INPP5A: variants seen among roughly 807,000 people sequenced by gnomAD.
INPP5A encodes the protein 43 kDa inositol polyphosphate 5-phophatase.
A neutral mutation model predicts 65.2 loss-of-function variants in INPP5A; 14 were observed. The observed-to-expected ratio is 0.21, with a 90% CI of 0.14 to 0.34. The LOEUF is 0.34. Ranked by LOEUF, INPP5A falls within the 10% of genes least tolerant of loss-of-function variation. The pLI, the probability that INPP5A is intolerant of heterozygous loss-of-function variation, is 1.00. For synonymous variants in INPP5A, 207 were observed against 208.3 expected, an observed-to-expected ratio of 0.99 and a Z score of 0.05; for missense variants, 431 against 545.6, an observed-to-expected ratio of 0.79 and a Z score of 2.09.
chr10:132,771,843 T>G lies in INPP5A; in HGVS notation c.978-5828T>G, dbSNP rs531326804. Among the ~76,000 whole-genome samples the G allele has an allele frequency of 2.7e-4, 32 of 116,680 alleles. 6 individuals are homozygous for G. The South Asian group carries it at 8.7e-3, about 32-fold the overall frequency. 76.5% of individuals were successfully genotyped at this position (116,680 alleles called of 152,430 possible). On this transcript the variant is annotated intron_variant, in intron 12 of 15. Transcript: ENST00000368594. Reference sequence around the variant, plus strand: ...CCGTGAAGAGTGGGGCACTCAGCACTGACACGGAGGCCACAGCAGCCACCC... The same window carrying G: ...CCGTGAAGAGTGGGGCACTCAGCACGGACACGGAGGCCACAGCAGCCACCC...
rs1342034526 is a variant in INPP5A at position 132,745,773 on chromosome 10, C to T, written c.733-3744C>T. ...GTGGTGGCCTTGGGTATGGTGGGCC[C>T]GGGCATGGTGGGCTTCTGGCGTGGT... On this transcript the variant is annotated intron_variant, in intron 9 of 15. Transcript: ENST00000368594. Among the ~76,000 whole-genome samples the T allele has an allele frequency of 3.5e-5, 5 of 144,366 alleles. No individual in the cohort carries two copies. In the East Asian group the frequency reaches 6.1e-4, roughly 18 times the overall value. 94.7% of individuals were successfully genotyped at this position (144,366 alleles called of 152,430 possible). A position where few individuals can be genotyped will look rare whatever the true frequency, so the allele number is the denominator to read the frequency against.
In INPP5A at chr10:132,651,980, C is replaced by T. The variant is rs370823282; in HGVS notation, c.306+1475C>T. ...CCACTCACACCAGAGCCAAGGCCCTCACCCCTGTGCTCAGGATGTAGCTCC... is the reference window on the plus strand; with the variant it reads ...CCACTCACACCAGAGCCAAGGCCCTTACCCCTGTGCTCAGGATGTAGCTCC... On this transcript the variant is annotated intron_variant, in intron 4 of 15. Coordinates refer to ENST00000368594, the MANE Select transcript of INPP5A (RefSeq NM_005539.5). The surrounding 1 kb of genome is among the most constrained non-coding windows in gnomAD (Gnocchi z 5.0). 4.0e-5 allele frequency among the ~76,000 whole-genome samples: 6 copies of T among 151,860 alleles called. No individual in the cohort carries two copies. Among genetic ancestry groups the T allele is most frequent in the Non-Finnish European group, 7.4e-5 (5 of 68,022 alleles).
intron 1 of INPP5A, among the ~76,000 whole-genome samples, chr10:132,597,317 C>T (rs1006381884): frequency 1.3e-5 from 2 of 152,210 alleles, no homozygotes; most frequent in Non-Finnish European, 2.9e-5. Context: ...GAAGATGTGT[C>T]AGGGTGTCTG....
intron 8 of INPP5A, among the ~76,000 whole-genome samples, chr10:132,714,811 C>T (rs534226205): frequency 1.3e-5 from 2 of 152,136 alleles, no homozygotes; most frequent in South Asian, 4.2e-4. Flanking sequence ...CCACCACAGC[C>T]AGTCACAGGG....
At chr10:132,738,060 T>C (rs1846208656) in intron 9 of INPP5A, among the ~76,000 whole-genome samples, 1 of 152,250 alleles carries the variant, frequency 6.6e-6, no homozygotes, top group South Asian at 2.1e-4. Flanking sequence ...ATGCTGGGAC[T>C]CTGTTCGAGG....
At position 132,538,577 on chromosome 10, in the gene INPP5A, G is replaced by A. The variant is rs1359083763; in HGVS notation, c.75+406G>A. 2.0e-5 allele frequency among the ~76,000 whole-genome samples: 3 copies of A among 152,068 alleles called. No homozygotes were observed. Among genetic ancestry groups the A allele is most frequent in the Non-Finnish European group, 2.9e-5 (2 of 68,012 alleles). ...ACCGGGTCTGTGCGCACCAAACCCAGCCCCAGCCCTGATTTCCGAATCCTC... is the reference window on the plus strand; with the variant it reads ...ACCGGGTCTGTGCGCACCAAACCCAACCCCAGCCCTGATTTCCGAATCCTC... On this transcript the variant is annotated intron_variant, in intron 1 of 15. Coordinates refer to ENST00000368594, the MANE Select transcript of INPP5A (RefSeq NM_005539.5). The surrounding 1 kb of genome is among the most constrained non-coding windows in gnomAD (Gnocchi z 4.1).
At chr10:132,688,691 G>A (rs372552320) in intron 4 of INPP5A, among the ~76,000 whole-genome samples, 2 of 151,722 alleles carry the variant, frequency 1.3e-5, no homozygotes, top group African/African-American at 4.9e-5. Flanking sequence ...GTGCATGAGT[G>A]CATGTGTGTG....
chr10:132,757,071 G>A (rs1483394134), intron 11 of INPP5A, among the ~76,000 whole-genome samples: 1 of 152,190 alleles, frequency 6.6e-6, no homozygotes, highest in Non-Finnish European at 1.5e-5. Context: ...GAGTGAAAAA[G>A]TTGAAAAATG....
At chr10:132,566,517 G>A (rs2071276907) in intron 1 of INPP5A, among the ~76,000 whole-genome samples, 2 of 152,196 alleles carry the variant, frequency 1.3e-5, no homozygotes, top group African/African-American at 2.4e-5. Context: ...TCGATCCAAT[G>A]TGTTCATACT....
chr10:132,603,376 G>A lies in INPP5A; in HGVS notation c.76-4539G>A, dbSNP rs1458342165. Among the ~76,000 whole-genome samples the A allele has an allele frequency of 6.6e-6, 1 of 152,124 alleles. No homozygotes were observed. Among genetic ancestry groups the A allele is most frequent in the Non-Finnish European group, 1.5e-5 (1 of 68,030 alleles). On this transcript the variant is annotated intron_variant, in intron 1 of 15. Coordinates refer to ENST00000368594, the MANE Select transcript of INPP5A (RefSeq NM_005539.5). This position sits in a 1 kb window ranked among gnomAD's most constrained non-coding sequence, Gnocchi z 4.2. ...CTATAGAAAATTACAGATCACTCCAGCTCCCACTACCCAGAAAGAACGCTT... is the reference window on the plus strand; with the variant it reads ...CTATAGAAAATTACAGATCACTCCAACTCCCACTACCCAGAAAGAACGCTT...
intron 8 of INPP5A, among the ~76,000 whole-genome samples, chr10:132,711,306 C>T (rs1210342061): frequency 6.6e-6 from 1 of 152,208 alleles, no homozygotes; most frequent in Non-Finnish European, 1.5e-5. Context: ...ATCTTGGGGC[C>T]CGTGTCCCTC....
intron 6 of INPP5A, among the ~76,000 whole-genome samples, chr10:132,700,770 T>C (rs1002962029): frequency 2.6e-5 from 4 of 152,272 alleles, no homozygotes; most frequent in Admixed American, 1.3e-4. Flanking sequence ...GTAATCTAAA[T>C]GTAATTACCT....
At chr10:132,716,173 G>T (rs1311853055) in intron 8 of INPP5A, among the ~76,000 whole-genome samples, 2 of 152,348 alleles carry the variant, frequency 1.3e-5, no homozygotes, top group Admixed American at 6.5e-5. Flanking sequence ...CACGTTCTCC[G>T]CATGTTTCCT....
chr10:132,632,665 C>G (rs1564941925), intron 2 of INPP5A, among the ~76,000 whole-genome samples: 1 of 152,146 alleles, frequency 6.6e-6, no homozygotes, highest in South Asian at 2.1e-4. Context: ...AACTTGGGAG[C>G]CAGGTGTGAA....
intron 12 of INPP5A, among the ~76,000 whole-genome samples, chr10:132,777,212 G>A (rs1048556490): frequency 2.4e-4 from 36 of 152,200 alleles, no homozygotes; most frequent in Non-Finnish European, 4.6e-4. Flanking sequence ...TGGGAGCGGC[G>A]TTGGTCAAAG....
At position 132,710,389 on chromosome 10, in the gene INPP5A, G is replaced by T; in HGVS notation, c.580G>T (p.Ala194Ser). ...HLFHDASNLV[A>S]WETSPSVYSG... ...TTTCCATGATGCTTCCAATCTGGTCGCCTGGGAAACAAGCCCTTCCGTGTA... is the reference window on the plus strand; with the variant it reads ...TTTCCATGATGCTTCCAATCTGGTCTCCTGGGAAACAAGCCCTTCCGTGTA... The change falls in exon 8 of 16, where the codon GCC (alanine) becomes TCC (serine). Residue 194 changes from alanine (A) to serine (S), a missense_variant. Transcript: ENST00000368594. 6.2e-7 allele frequency: 1 copy of T among 1,614,168 alleles called. No homozygotes were observed. The highest frequency in any genetic ancestry group is 1.7e-5 in the Admixed American group (1 of 60,028).
intron 9 of INPP5A, among the ~76,000 whole-genome samples, chr10:132,746,512 T>C (rs1358384469): frequency 1.3e-5 from 2 of 152,238 alleles, no homozygotes; most frequent in Admixed American, 1.3e-4. Flanking sequence ...GCCTTTCTCC[T>C]GGGCTGACAC....
chr10:132,672,353 C>T (rs908713045), intron 4 of INPP5A, among the ~76,000 whole-genome samples: 3 of 152,110 alleles, frequency 2.0e-5, no homozygotes, highest in Non-Finnish European at 2.9e-5. Flanking sequence ...GGTTTGGCTG[C>T]GTCCCCACCC....
chr10:132,683,870 A>G (rs1590923441), intron 4 of INPP5A, among the ~76,000 whole-genome samples: 1 of 152,142 alleles, frequency 6.6e-6, no homozygotes, highest in East Asian at 1.9e-4. Context: ...ATGGGCCACC[A>G]CACCTGGCTA....
Sources: gnomAD v4.1 joint callset for allele counts (sites outside exome capture counted in the v4.1 genomes callset) on GRCh38, gnomAD v4.1.1 for gene constraint, Gnocchi (gnomAD v3.1) non-coding constraint, MANE v1.5 for transcripts, NCBI Gene and HGNC (gene_info 2026-07-23, HGNC 2026-07-21) for gene names.